The following ARL6IP6 variants were observed in gnomAD, a reference collection of about 807,000 sequenced individuals.
ARL6IP6 encodes ARF like GTPase 6 interacting protein 6.
A neutral mutation model predicts 21.5 loss-of-function variants in ARL6IP6; 22 were observed. The ratio of observed to expected loss-of-function variants is 1.02; its 90% CI spans 0.73 to 1.46. The LOEUF is 1.46. ARL6IP6 is among the 40% of genes most tolerant of loss of function. The probability of loss-of-function intolerance (pLI) is 0.00; values close to 1 mark genes in which losing one functional copy is unlikely to be tolerated. For synonymous variants in ARL6IP6, 164 were observed against 125.3 expected (o/e 1.31, Z -2.06); for missense variants, 388 against 299.8 (o/e 1.29, Z -2.17).
intron 2 of ARL6IP6, among the ~76,000 whole-genome samples, chr2:152,734,164 C>G (rs1700449783): frequency 6.6e-6 from 1 of 152,110 alleles, no homozygotes; most frequent in South Asian, 2.1e-4. Flanking sequence ...TTTATGCCTC[C>G]TATTCTTCTC....
chr2:152,729,110 G>A (rs984127294), intron 2 of ARL6IP6, among the ~76,000 whole-genome samples: 3 of 151,924 alleles, frequency 2.0e-5, no homozygotes, highest in African/African-American at 7.3e-5. Context: ...AGTTGCTCAC[G>A]CCTGTAATCC....
intron 3 of ARL6IP6, among the ~76,000 whole-genome samples, chr2:152,758,789 G>T (rs1298906295): frequency 6.6e-6 from 1 of 152,140 alleles, no homozygotes; most frequent in African/African-American, 2.4e-5. Context: ...CTCTTCAAGT[G>T]TTAGTTCACA....
intron 3 of ARL6IP6, among the ~76,000 whole-genome samples, chr2:152,743,769 A>G (rs1039939314): frequency 2.6e-5 from 4 of 152,214 alleles, no homozygotes; most frequent in Non-Finnish European, 5.9e-5. Context: ...GGAAATTTCA[A>G]ATTGCAAGCT....
At chr2:152,746,821 CTTTTTTTTT>C (rs61506535) in intron 3 of ARL6IP6, among the ~76,000 whole-genome samples, 988 of 33,216 alleles carry the variant, frequency 0.03, 53 homozygotes, top group East Asian at 0.28. Flanking sequence ...TTTATCCTTT[CTTTTTTTTT>C]TTTTTTTTTT....
At chr2:152,733,391 A>G (rs1040615155) in intron 2 of ARL6IP6, among the ~76,000 whole-genome samples, 1 of 152,036 alleles carries the variant, frequency 6.6e-6, no homozygotes, top group African/African-American at 2.4e-5. Flanking sequence ...CAGTCTCCCA[A>G]GTAGCTGGGA....
rs1454424038 is a variant in ARL6IP6 at position 152,761,596 on chromosome 2, A to G, written c.*1756A>G. 6.6e-6 allele frequency among the ~76,000 whole-genome samples: 1 copy of G among 152,190 alleles called. No individual in the cohort carries two copies. The highest frequency in any genetic ancestry group is 1.5e-5 in the Non-Finnish European group (1 of 68,034). On this transcript the variant is annotated 3_prime_UTR_variant, in exon 4 of 4. Coordinates refer to ENST00000326446, the MANE Select transcript of ARL6IP6 (RefSeq NM_152522.7). Reference sequence around the variant, plus strand: ...ATATAACAACGTTTTGGTCACAACGAACTGTACTTATGATAGTGAATCCCC... The same window carrying G: ...ATATAACAACGTTTTGGTCACAACGGACTGTACTTATGATAGTGAATCCCC...
chr2:152,724,585 A>G (rs2105094866), intron 2 of ARL6IP6, among the ~76,000 whole-genome samples: 1 of 152,344 alleles, frequency 6.6e-6, no homozygotes, highest in African/African-American at 2.4e-5. Context: ...AAGCAGTAAT[A>G]AGAACCAGAC....
intron 3 of ARL6IP6, among the ~76,000 whole-genome samples, chr2:152,754,837 T>C (rs1171415112): frequency 1.3e-5 from 2 of 152,202 alleles, no homozygotes; most frequent in Admixed American, 6.5e-5. Flanking sequence ...TTGAGCATCA[T>C]CAGCTTTTCA....
intron 3 of ARL6IP6, among the ~76,000 whole-genome samples, chr2:152,747,902 A>G (rs1365531911): frequency 2.0e-5 from 3 of 151,682 alleles, no homozygotes; most frequent in Admixed American, 6.6e-5. Context: ...ATGTCTCCCT[A>G]TATGCTCAGG....
chr2:152,719,765 A>ACC (rs1559219853), intron 1 of ARL6IP6: 5 of 276,494 alleles, frequency 1.8e-5, no homozygotes, highest in South Asian at 6.3e-5. Context: ...AAAAAAAAAA[A>ACC]AAAAAAAAAC....
At chr2:152,718,018 A>G (rs1483204446), upstream of ARL6IP6, 3 of 994,470 alleles carry the variant, frequency 3.0e-6, no homozygotes, top group South Asian at 4.3e-5. Context: ...CGCCTGGGGA[A>G]GGAGGCGTGT....
At chr2:152,755,770 C>T (rs2105190246) in intron 3 of ARL6IP6, among the ~76,000 whole-genome samples, 1 of 152,166 alleles carries the variant, frequency 6.6e-6, no homozygotes, top group East Asian at 1.9e-4. Flanking sequence ...GTAGTGGTCC[C>T]CCGGGCCCAG....
intron 2 of ARL6IP6, among the ~76,000 whole-genome samples, chr2:152,721,503 A>G (rs894907356): frequency 1.3e-5 from 2 of 152,214 alleles, no homozygotes; most frequent in African/African-American, 4.8e-5. Flanking sequence ...ATGATTCTGA[A>G]GAGTTGAAAA....
At chr2:152,729,334 CTGTG>C (rs10604718) in intron 2 of ARL6IP6, among the ~76,000 whole-genome samples, 112,544 of 150,954 alleles carry the variant, frequency 0.75, 42,390 homozygotes, top group Admixed American at 0.82. Flanking sequence ...CAGACTTTGT[CTGTG>C]TGTGTGTGTG....
chr2:152,719,543 T>C (rs1186014569), intron 1 of ARL6IP6, among the ~76,000 whole-genome samples: 1 of 152,154 alleles, frequency 6.6e-6, no homozygotes, highest in Non-Finnish European at 1.5e-5. Flanking sequence ...CCAGGTGTAG[T>C]GCACGGAGTT....
At chr2:152,735,855 C>T (rs1032416948) in intron 3 of ARL6IP6, among the ~76,000 whole-genome samples, 1 of 152,070 alleles carries the variant, frequency 6.6e-6, no homozygotes. Flanking sequence ...CCAGGTCTAG[C>T]CTACCTCATG....
At chr2:152,720,384 A>T (rs1187437035) in intron 1 of ARL6IP6, 149 bp from the exon 2 acceptor site, 2 of 721,928 alleles carry the variant, frequency 2.8e-6, no homozygotes, top group Non-Finnish European at 4.8e-6. Context: ...GCTGAAGGTC[A>T]CATAGCTGGT....
chr2:152,739,603 T>G (rs1700713709), intron 3 of ARL6IP6, among the ~76,000 whole-genome samples: 1 of 152,178 alleles, frequency 6.6e-6, no homozygotes, highest in Non-Finnish European at 1.5e-5. Context: ...TTTTCCTGTC[T>G]TCTTCTGCAC....
chr2:152,751,141 G>A (rs1203326174), intron 3 of ARL6IP6, among the ~76,000 whole-genome samples: 2 of 151,968 alleles, frequency 1.3e-5, no homozygotes, highest in Admixed American at 6.5e-5. Flanking sequence ...AAATAATGCT[G>A]TAGTTTTACT....
Sources: gnomAD v4.1 joint callset for allele counts (sites outside exome capture counted in the v4.1 genomes callset) on GRCh38, gnomAD v4.1.1 for gene constraint, MANE v1.5 for transcripts, NCBI Gene and HGNC (gene_info 2026-07-23, HGNC 2026-07-21) for gene names.